MYH10: variants seen among roughly 807,000 people sequenced by gnomAD.
MYH10 encodes myosin-10.
MYH10 carries 55 observed loss-of-function variants against 257.8 expected under a neutral mutation model. The observed-to-expected ratio is 0.21, with a 90% CI of 0.17 to 0.27. The LOEUF (loss-of-function observed/expected upper bound fraction) is 0.27, where lower values mean the gene tolerates loss of function less well. Among genes scored for constraint, MYH10 ranks in the 10% least tolerant of loss-of-function variants. The pLI, the probability that MYH10 is intolerant of heterozygous loss-of-function variation, is 1.00. For synonymous variants in MYH10, 854 were observed against 921.7 expected (o/e 0.93, Z 1.33); for missense variants, 1,631 against 2,500.6 (o/e 0.65, Z 7.42).
At chr17:8,594,034 A>G (rs1399801098) in intron 3 of MYH10, among the ~76,000 whole-genome samples, 1 of 152,220 alleles carries the variant, frequency 6.6e-6, no homozygotes, top group African/African-American at 2.4e-5. Flanking sequence ...GATTTTCCAC[A>G]AAGGTACAAA....
chr17:8,589,412 A>G (rs2084036088), intron 3 of MYH10, among the ~76,000 whole-genome samples: 1 of 152,164 alleles, frequency 6.6e-6, no homozygotes, highest in Non-Finnish European at 1.5e-5. Flanking sequence ...GCCGCATACA[A>G]ATTCAACCGG....
intron 19 of MYH10, among the ~76,000 whole-genome samples, chr17:8,519,461 T>A (rs541368848): frequency 6.6e-6 from 1 of 152,166 alleles, no homozygotes; most frequent in South Asian, 2.1e-4. Context: ...AGCTGCACAT[T>A]TAAAATCTGT....
intron 3 of MYH10, among the ~76,000 whole-genome samples, chr17:8,600,726 C>T (rs1021103688): frequency 1.3e-5 from 2 of 152,082 alleles, no homozygotes; most frequent in East Asian, 1.9e-4. Context: ...GATGGAGGTG[C>T]GGCTTTTCCA....
intron 7 of MYH10, among the ~76,000 whole-genome samples, chr17:8,558,931 G>A (rs2082895507): frequency 6.6e-6 from 1 of 151,942 alleles, no homozygotes. Context: ...ACTTATCCAG[G>A]TACATATTGG....
chr17:8,514,196 T>C (rs973854871), intron 21 of MYH10, among the ~76,000 whole-genome samples: 1 of 152,148 alleles, frequency 6.6e-6, no homozygotes, highest in Non-Finnish European at 1.5e-5. Context: ...CTGCGCACAC[T>C]AAGAAACCGA....
rs117996725 is a variant in MYH10, at chr17:8,489,921, T to G, written c.4884+419A>C. The stretch of plus-strand genomic sequence containing the variant: ...ATAGCAACTTTATAAAAGGACAAAT[T>G]TAAATATCTGCTCTTTTTCCTTTTG... On this transcript the variant is annotated intron_variant, in intron 35 of 42. Transcript: ENST00000360416. 1.4e-3 allele frequency among the ~76,000 whole-genome samples: 209 copies of G among 152,274 alleles called. 3 individuals carry two copies. The East Asian group carries it at 0.017, about 13-fold the overall frequency.
intron 17 of MYH10, among the ~76,000 whole-genome samples, chr17:8,524,421 G>C (rs1034341315): frequency 8.2e-6 from 1 of 121,520 alleles, no homozygotes; most frequent in African/African-American, 3.2e-5. Flanking sequence ...CTGCACTCCA[G>C]CCTGGGCAAC....
chr17:8,535,325 T>C lies in MYH10; in HGVS notation c.1894+62A>G, dbSNP rs1372535361. On this transcript the variant is annotated intron_variant, in intron 16 of 42. Coordinates refer to ENST00000360416, the MANE Select transcript of MYH10 (RefSeq NM_001256012.3). The surrounding 1 kb of genome is among the most constrained non-coding windows in gnomAD (Gnocchi z 4.3). ...TCCATATATATGTAAAAGAACCATC[T>C]ATAAACCTTAATTATAAAAGATTCC... is the stretch of plus-strand genomic sequence containing the variant. The C allele has an allele frequency of 3.8e-6, 5 of 1,299,022 alleles. No homozygotes were observed. Among genetic ancestry groups the C allele is most frequent in the Non-Finnish European group, 5.5e-6 (5 of 911,716 alleles). 80.5% of individuals were successfully genotyped at this position (1,299,022 alleles called of 1,614,324 possible).
chr17:8,577,356 T>A lies in MYH10; in HGVS notation c.531-18A>T. On this transcript the variant is annotated intron_variant, in intron 4 of 42. Transcript: ENST00000360416. ...ACTCACCCCTGAAAGAAAGAGTTAA[T>A]ATAGGCTGCTTTAACGAAAGCACAG... The A allele has an allele frequency of 6.3e-7, 1 of 1,576,556 alleles. No individual in the cohort carries two copies. The highest frequency in any genetic ancestry group is 1.2e-5 in the South Asian group (1 of 86,580).
chr17:8,624,593 T>C (rs1023001739), intron 1 of MYH10, among the ~76,000 whole-genome samples: 1 of 152,204 alleles, frequency 6.6e-6, no homozygotes, highest in African/African-American at 2.4e-5. Flanking sequence ...AGTCTAAGGT[T>C]GTTAAGAGGT....
chr17:8,565,433 C>T (rs1271412884), intron 7 of MYH10, among the ~76,000 whole-genome samples: 1 of 152,144 alleles, frequency 6.6e-6, no homozygotes, highest in Non-Finnish European at 1.5e-5. Flanking sequence ...AGATCAACTA[C>T]TTGTTTTAGT....
At chr17:8,476,466 G>A (rs1430393666) in intron 42 of MYH10, among the ~76,000 whole-genome samples, 2 of 152,196 alleles carry the variant, frequency 1.3e-5, no homozygotes, top group Admixed American at 1.3e-4. Context: ...GCTCTCTCAC[G>A]CTCTGCCCTC....
At chr17:8,555,392 A>G (rs1372955323) in intron 7 of MYH10, among the ~76,000 whole-genome samples, 2 of 152,212 alleles carry the variant, frequency 1.3e-5, no homozygotes, top group Admixed American at 6.5e-5. Flanking sequence ...TGATTTCAAA[A>G]AGCTATAAAT....
chr17:8,622,895 T>C lies in MYH10; in HGVS notation c.345+7A>G. 1 of 1,611,354 alleles carries C rather than the reference T, an allele frequency of 6.2e-7. No individual in the cohort carries two copies. ...ACTTCACATGATTATTTGGAAGAAA[T>C]ACTTACATAGATTAGTCCTGAATAG... On this transcript the variant is annotated splice_region_variant and intron_variant, in intron 2 of 42. Coordinates refer to ENST00000360416, the MANE Select transcript of MYH10 (RefSeq NM_001256012.3).
chr17:8,576,522 A>AC (rs2083502617), intron 6 of MYH10, 121 bp downstream of exon 6: 5 of 1,025,492 alleles, frequency 4.9e-6, no homozygotes, highest in South Asian at 4.8e-5. Context: ...TTCAAAATTA[A>AC]AATTTTTTAA....
intron 30 of MYH10, among the ~76,000 whole-genome samples, chr17:8,498,228 C>A (rs150792891): frequency 1.3e-5 from 2 of 151,834 alleles, no homozygotes; most frequent in African/African-American, 4.8e-5. Flanking sequence ...TCAGGTGATC[C>A]GCCCACCTCA....
intron 12 of MYH10, among the ~76,000 whole-genome samples, chr17:8,546,084 A>G (rs1380361112): frequency 6.6e-6 from 1 of 150,726 alleles, no homozygotes; most frequent in East Asian, 1.9e-4. Context: ...TTTGATACGG[A>G]GTCTCGTTCT....
At chr17:8,580,000 G>A (rs1290534977) in intron 4 of MYH10, among the ~76,000 whole-genome samples, 2 of 152,084 alleles carry the variant, frequency 1.3e-5, no homozygotes, top group Non-Finnish European at 1.5e-5. Flanking sequence ...GGTGGCGGGC[G>A]CCTGTAATCC....
intron 3 of MYH10, among the ~76,000 whole-genome samples, chr17:8,592,833 A>C (rs2152054802): frequency 7.1e-6 from 1 of 141,486 alleles, no homozygotes; most frequent in African/African-American, 2.5e-5. Flanking sequence ...AAAAAAAAAA[A>C]AAAAAAAAAG....
Sources: allele counts gnomAD v4.1 joint callset (sites outside exome capture counted in the v4.1 genomes callset), GRCh38; gene constraint gnomAD v4.1.1; non-coding constraint Gnocchi (gnomAD v3.1); transcripts MANE v1.5; gene names NCBI Gene and HGNC (gene_info 2026-07-23, HGNC 2026-07-21).